Variants in DLG2 observed in about 807,000 individuals in gnomAD.
DLG2 encodes the protein discs large MAGUK scaffold protein 2.
A neutral mutation model predicts 132.5 loss-of-function variants in DLG2; 45 were observed. The observed-to-expected ratio is 0.34, with a 90% CI of 0.27 to 0.44. The LOEUF (loss-of-function observed/expected upper bound fraction) is 0.44. Among genes scored for constraint, DLG2 ranks in the 20% least tolerant of loss-of-function variants. The pLI is 1.00. For synonymous variants in DLG2, 424 were observed against 419.6 expected, an observed-to-expected ratio of 1.01 and a Z score of -0.13; for missense variants, 1,045 against 1,196.9, an observed-to-expected ratio of 0.87 and a Z score of 1.87.
At chr11:84,068,858 C>G (rs1313938516) in intron 10 of DLG2, among the ~76,000 whole-genome samples, 2 of 152,078 alleles carry the variant, frequency 1.3e-5, no homozygotes, top group African/African-American at 2.4e-5. Flanking sequence ...ACAGTAGAAA[C>G]TAAAGTTGAA....
At chr11:84,679,592 G>A (rs944364384) in intron 6 of DLG2, among the ~76,000 whole-genome samples, 8 of 152,012 alleles carry the variant, frequency 5.3e-5, no homozygotes, top group African/African-American at 1.9e-4. Flanking sequence ...TACAGGATTA[G>A]GAGATAAAGA....
At chr11:85,467,032 T>TG (rs1254434591) in intron 3 of DLG2, among the ~76,000 whole-genome samples, 2 of 152,202 alleles carry the variant, frequency 1.3e-5, no homozygotes, top group Non-Finnish European at 2.9e-5. Context: ...TCAAATCCCT[T>TG]GTAAGTTGGA....
At chr11:84,484,058 C>G (rs1324791011) in intron 7 of DLG2, among the ~76,000 whole-genome samples, 2 of 152,154 alleles carry the variant, frequency 1.3e-5, no homozygotes, top group Admixed American at 1.3e-4. Flanking sequence ...GGTCATTAGA[C>G]TTCAGACCAA....
At chr11:83,683,224 T>C (rs949746845) in intron 18 of DLG2, among the ~76,000 whole-genome samples, 2 of 152,198 alleles carry the variant, frequency 1.3e-5, no homozygotes, top group African/African-American at 4.8e-5. Context: ...ACATTTTAGG[T>C]GCCATGCAGT....
At chr11:83,575,081 T>C (rs1207112292) in intron 19 of DLG2, among the ~76,000 whole-genome samples, 1 of 152,184 alleles carries the variant, frequency 6.6e-6, no homozygotes, top group African/African-American at 2.4e-5. Flanking sequence ...CAAGGGTATA[T>C]GAGATAGGTA....
intron 13 of DLG2, among the ~76,000 whole-genome samples, chr11:83,963,873 G>T (rs1031758626): frequency 1.3e-5 from 2 of 151,942 alleles, no homozygotes; most frequent in Admixed American, 6.6e-5. Flanking sequence ...TCATTCTGAA[G>T]ATGCAACTGA....
intron 5 of DLG2, among the ~76,000 whole-genome samples, chr11:85,113,536 G>A (rs2073101942): frequency 6.6e-6 from 1 of 151,894 alleles, no homozygotes; most frequent in Non-Finnish European, 1.5e-5. Context: ...TACAAGGCCA[G>A]ACAAATAAAA....
intron 22 of DLG2, among the ~76,000 whole-genome samples, chr11:83,478,690 T>C (rs1400370731): frequency 6.6e-6 from 1 of 152,050 alleles, no homozygotes; most frequent in Non-Finnish European, 1.5e-5. Flanking sequence ...ATATTTTCCA[T>C]TAAAAGAACT....
At chr11:83,881,559 C>T (rs1253531845) in intron 15 of DLG2, among the ~76,000 whole-genome samples, 1 of 152,146 alleles carries the variant, frequency 6.6e-6, no homozygotes, top group Non-Finnish European at 1.5e-5. Flanking sequence ...GGCATAAGGA[C>T]TGTGCATTGT....
chr11:84,208,746 C>T (rs1215301309), intron 8 of DLG2, among the ~76,000 whole-genome samples: 1 of 152,170 alleles, frequency 6.6e-6, no homozygotes, highest in African/African-American at 2.4e-5. Context: ...GTACACTGTA[C>T]ATAAACACTG....
At position 84,088,132 on chromosome 11, in the gene DLG2, C is replaced by T. The variant is rs116711178; in HGVS notation, c.749+10791G>A. On this transcript the variant is annotated intron_variant, in intron 10 of 27. Transcript: ENST00000376104. ...TTGAAAGCACAAAGTTTTTAATTGA[C>T]GAACTCCAAGTTATCTATTTTTTCT... is the stretch of plus-strand genomic sequence containing the variant. 7.6e-3 allele frequency among the ~76,000 whole-genome samples: 1,158 copies of T among 152,168 alleles called. 7 individuals are homozygous for T. Among genetic ancestry groups the T allele is most frequent in the African/African-American group, 0.026 (1,097 of 41,516 alleles).
At chr11:84,982,418 T>G (rs1043891247) in intron 6 of DLG2, among the ~76,000 whole-genome samples, 12 of 152,146 alleles carry the variant, frequency 7.9e-5, no homozygotes, top group African/African-American at 2.7e-4. Context: ...CAAAAACCTA[T>G]GAGTCATTTT....
chr11:83,753,864 TTCATATATATGATATATA>T (rs1566832799), intron 18 of DLG2, among the ~76,000 whole-genome samples: 1 of 10,594 alleles, frequency 9.4e-5, no homozygotes, highest in African/African-American at 1.2e-3. Context: ...ATATATATAT[TTCATATATATGATATATA>T]TCATATATAT....
chr11:84,613,508 TA>T (rs752187829), intron 6 of DLG2, among the ~76,000 whole-genome samples: 1 of 152,064 alleles, frequency 6.6e-6, no homozygotes, highest in Non-Finnish European at 1.5e-5. Context: ...AAGAAAATAG[TA>T]TCTATTAAAA....
At chr11:85,005,237 A>C (rs574529196) in intron 6 of DLG2, among the ~76,000 whole-genome samples, 37 of 152,302 alleles carry the variant, frequency 2.4e-4, no homozygotes, top group African/African-American at 8.9e-4. Flanking sequence ...TATGAAATTT[A>C]AAGTAGCTTT....
intron 11 of DLG2, among the ~76,000 whole-genome samples, chr11:83,996,497 C>T (rs963167418): frequency 1.1e-4 from 16 of 152,138 alleles, no homozygotes; most frequent in African/African-American, 3.4e-4. Flanking sequence ...AATCAGTATA[C>T]TGAAGCGATA....
intron 7 of DLG2, among the ~76,000 whole-genome samples, chr11:84,509,868 C>G (rs2099252260): frequency 6.6e-6 from 1 of 151,706 alleles, no homozygotes; most frequent in Non-Finnish European, 1.5e-5. Flanking sequence ...TATATCTAAT[C>G]AGAAGGAGAT....
At chr11:84,566,691 T>A (rs929771455) in intron 6 of DLG2, among the ~76,000 whole-genome samples, 2 of 152,192 alleles carry the variant, frequency 1.3e-5, no homozygotes, top group African/African-American at 2.4e-5. Flanking sequence ...ATAAGAGAAG[T>A]GTGTTTAAAC....
intron 21 of DLG2, among the ~76,000 whole-genome samples, chr11:83,522,255 G>A (rs6592119): frequency 0.61 from 92,670 of 151,946 alleles, 28,978 homozygotes; most frequent in African/African-American, 0.72. Flanking sequence ...TTGAATACCT[G>A]TTAAGACTCT....
Sources: gnomAD v4.1 joint callset for allele counts (sites outside exome capture counted in the v4.1 genomes callset) on GRCh38, gnomAD v4.1.1 for gene constraint, MANE v1.5 for transcripts, NCBI Gene and HGNC (gene_info 2026-07-23, HGNC 2026-07-21) for gene names.